Variants in MAST4 observed in about 807,000 individuals in gnomAD.
MAST4 encodes microtubule-associated serine/threonine-protein kinase 4.
Under a neutral mutation model 162.7 loss-of-function variants are expected in MAST4, and 89 were observed. That is an observed-to-expected ratio of 0.55 (90% CI 0.46 to 0.65). MAST4 has a LOEUF of 0.65. Among genes scored for constraint, MAST4 ranks in the 30% least tolerant of loss-of-function variants. The pLI, the probability that MAST4 is intolerant of heterozygous loss-of-function variation, is 0.00. For synonymous variants in MAST4, 1,479 were observed against 1,361.1 expected (o/e 1.09, Z -1.91); for missense variants, 3,153 against 3,374.0 (o/e 0.93, Z 1.62).
At chr5:66,878,123 A>G (rs898114530) in intron 3 of MAST4, among the ~76,000 whole-genome samples, 3 of 152,214 alleles carry the variant, frequency 2.0e-5, no homozygotes, top group Non-Finnish European at 4.4e-5. Flanking sequence ...AGTTAGACAT[A>G]AATAAATAGA....
At chr5:66,716,972 G>T (rs985415680) in intron 1 of MAST4, among the ~76,000 whole-genome samples, 16 of 152,216 alleles carry the variant, frequency 1.1e-4, no homozygotes, top group Admixed American at 3.9e-4. Context: ...CAGGTGAAGA[G>T]GACAAAGTTC....
At chr5:67,105,394 A>G (rs1404861315) in intron 10 of MAST4, among the ~76,000 whole-genome samples, 1 of 152,134 alleles carries the variant, frequency 6.6e-6, no homozygotes, top group Admixed American at 6.5e-5. Flanking sequence ...AATTTTTGAG[A>G]ACTCTATCTA....
intron 5 of MAST4, among the ~76,000 whole-genome samples, chr5:67,057,548 G>A (rs1466184217): frequency 1.3e-5 from 2 of 148,356 alleles, no homozygotes; most frequent in Non-Finnish European, 3.0e-5. Context: ...TGTTTGTGGG[G>A]AGCCAGAGAT....
chr5:66,857,696 G>A (rs72761269), intron 3 of MAST4, among the ~76,000 whole-genome samples: 36,891 of 151,972 alleles, frequency 0.24, 5,811 homozygotes, highest in Non-Finnish European at 0.36. Flanking sequence ...ATTCTAAGTT[G>A]TTGGGTCATA....
At chr5:66,946,753 T>G (rs925366996) in intron 4 of MAST4, among the ~76,000 whole-genome samples, 2 of 152,200 alleles carry the variant, frequency 1.3e-5, no homozygotes, top group Non-Finnish European at 1.5e-5. Flanking sequence ...GTCTAAATTC[T>G]TTAGTCAGAT....
intron 3 of MAST4, among the ~76,000 whole-genome samples, chr5:66,857,866 C>G (rs902034386): frequency 1.3e-5 from 2 of 152,042 alleles, no homozygotes; most frequent in Non-Finnish European, 2.9e-5. Context: ...ATTTTTCAGT[C>G]CTTTTTTATG....
At chr5:66,712,907 G>A (rs1297045047) in intron 1 of MAST4, among the ~76,000 whole-genome samples, 1 of 152,152 alleles carries the variant, frequency 6.6e-6, no homozygotes, top group Non-Finnish European at 1.5e-5. Context: ...TTGCAGTATT[G>A]CAATCTTAAA....
chr5:66,895,073 T>C (rs2149960338), intron 3 of MAST4, among the ~76,000 whole-genome samples: 1 of 152,236 alleles, frequency 6.6e-6, no homozygotes, highest in Non-Finnish European at 1.5e-5. Context: ...GGTCATACTT[T>C]CTGGGTTTGA....
chr5:67,140,451 G>A (rs944166085), intron 19 of MAST4, among the ~76,000 whole-genome samples: 2 of 152,362 alleles, frequency 1.3e-5, no homozygotes, highest in Non-Finnish European at 2.9e-5. Flanking sequence ...GAACAGCCAC[G>A]TGAGTTGGCT....
intron 1 of MAST4, among the ~76,000 whole-genome samples, chr5:66,621,322 T>A (rs1004896783): frequency 1.3e-5 from 2 of 152,144 alleles, no homozygotes; most frequent in Admixed American, 1.3e-4. Flanking sequence ...TGTAGTGAGG[T>A]TCTGGAATTT....
chr5:67,077,217 A>G (rs1761764083), intron 5 of MAST4, among the ~76,000 whole-genome samples: 1 of 152,150 alleles, frequency 6.6e-6, no homozygotes, highest in African/African-American at 2.4e-5. Context: ...CAGAATCTAA[A>G]GTAGTGTTTC....
intron 27 of MAST4, among the ~76,000 whole-genome samples, chr5:67,161,962 CTTTT>C (rs1773228625): frequency 6.6e-6 from 1 of 152,194 alleles, no homozygotes; most frequent in Non-Finnish European, 1.5e-5. Context: ...AGAAGCTGTG[CTTTT>C]GCCTTAAGAT....
chr5:66,887,685 A>G (rs547646513), intron 3 of MAST4, among the ~76,000 whole-genome samples: 1 of 152,200 alleles, frequency 6.6e-6, no homozygotes, highest in Non-Finnish European at 1.5e-5. Flanking sequence ...CATTCTTCCT[A>G]TAGTTGCAGG....
At chr5:67,144,822 A>G (rs1282517535) in intron 22 of MAST4, 26 bp downstream of exon 22, 1 of 1,572,930 alleles carries the variant, frequency 6.4e-7, no homozygotes. Flanking sequence ...CTTAAGTAAT[A>G]TAAGCAGTAG....
chr5:66,760,272 C>T (rs1228935664), intron 2 of MAST4, among the ~76,000 whole-genome samples: 7 of 151,862 alleles, frequency 4.6e-5, no homozygotes, highest in South Asian at 2.1e-4. Context: ...CACACCACCA[C>T]GCCCAGCTAA....
chr5:66,958,956 TTAA>T, intron 4 of MAST4: 1 of 376,916 alleles, frequency 2.7e-6, no homozygotes, highest in Non-Finnish European at 4.8e-6. Flanking sequence ...GCGACTTTCT[TTAA>T]AAAAAAAAAA....
chr5:66,975,598 G>T (rs939925868), intron 4 of MAST4, among the ~76,000 whole-genome samples: 1 of 152,206 alleles, frequency 6.6e-6, no homozygotes, highest in African/African-American at 2.4e-5. Context: ...ACAAGTGTGT[G>T]TAAGGTAGAA....
intron 12 of MAST4, among the ~76,000 whole-genome samples, chr5:67,116,831 AATG>A (rs1766980573): frequency 6.6e-6 from 1 of 152,076 alleles, no homozygotes; most frequent in Admixed American, 6.5e-5. Context: ...ATAAAAAATA[AATG>A]ATTACAGACT....
At chr5:66,625,039 A>G (rs370402691) in intron 1 of MAST4, among the ~76,000 whole-genome samples, 2 of 98,968 alleles carry the variant, frequency 2.0e-5, no homozygotes, top group African/African-American at 3.6e-5. Context: ...ATGAAGTGTT[A>G]TTTTTTTGTA....
Sources: allele counts gnomAD v4.1 joint callset (sites outside exome capture counted in the v4.1 genomes callset), GRCh38; gene constraint gnomAD v4.1.1; transcripts MANE v1.5; gene names NCBI Gene and HGNC (gene_info 2026-07-23, HGNC 2026-07-21).